Variants in MBD2 observed in about 807,000 individuals in gnomAD.
MBD2 encodes methyl-CpG-binding domain protein 2.
A neutral mutation model predicts 39.3 loss-of-function variants in MBD2; 9 were observed. The observed-to-expected ratio is 0.23, with a 90% confidence interval of 0.14 to 0.40. The LOEUF is 0.40. Ranked by LOEUF, MBD2 falls within the 10% of genes least tolerant of loss-of-function variation. MBD2 has a pLI of 1.00. For synonymous variants in MBD2, 233 were observed against 211.1 expected, an observed-to-expected ratio of 1.10 and a Z score of -0.90; for missense variants, 458 against 532.6, an observed-to-expected ratio of 0.86 and a Z score of 1.38.
chr18:54,200,337 T>G (rs1599098559), intron 2 of MBD2, among the ~76,000 whole-genome samples: 1 of 152,258 alleles, frequency 6.6e-6, no homozygotes, highest in Non-Finnish European at 1.5e-5. Context: ...AACTTGAATT[T>G]TATTAGTTTT....
rs541982564 is a variant in MBD2 at position 54,167,189 on chromosome 18, T to C, written c.841-1023A>G. On this transcript the variant is annotated intron_variant, in intron 3 of 6. Coordinates refer to ENST00000256429, the MANE Select transcript of MBD2 (RefSeq NM_003927.5). ...TCACATAGTTGGTACTGAAAAAATA[T>C]TTGTGGGAATGACTGAAAATGGGAG... is the stretch of plus-strand genomic sequence containing the variant. Among the ~76,000 whole-genome samples, 14 of 152,274 alleles carry C rather than the reference T, an allele frequency of 9.2e-5. No individual in the cohort carries two copies. In the South Asian group the frequency reaches 2.5e-3, roughly 27 times the overall value.
intron 3 of MBD2, 133 bp from the exon 4 acceptor site, chr18:54,166,299 G>T: frequency 1.6e-6 from 1 of 624,916 alleles, no homozygotes; most frequent in Non-Finnish European, 2.8e-6. Context: ...CTTATAAAAA[G>T]CTAAATGATA....
chr18:54,195,840 T>C (rs1194619386), intron 2 of MBD2, among the ~76,000 whole-genome samples: 1 of 152,212 alleles, frequency 6.6e-6, no homozygotes, highest in Non-Finnish European at 1.5e-5. Context: ...TATTAAAATT[T>C]AGAAATTTAA....
intron 5 of MBD2, among the ~76,000 whole-genome samples, chr18:54,161,393 C>T (rs187613952): frequency 6.6e-6 from 1 of 152,266 alleles, no homozygotes; most frequent in Admixed American, 6.5e-5. Flanking sequence ...ATTTTCATGT[C>T]ATGGGGCAGG....
rs1436717770 is a variant in MBD2 at position 54,151,851 on chromosome 18, C to G, written c.*3473G>C. The G allele has an allele frequency of 6.7e-6, 1 of 149,200 alleles. No individual in the cohort carries two copies. Among genetic ancestry groups the G allele is most frequent in the Admixed American group, 6.7e-5 (1 of 15,006 alleles). 9.2% of individuals were successfully genotyped at this position (149,200 alleles called of 1,614,324 possible). On this transcript the variant is annotated 3_prime_UTR_variant, in exon 7 of 7. Transcript: ENST00000256429. The stretch of plus-strand genomic sequence containing the variant: ...AGACCAAAAAAAAAAAAAAAAACAC[C>G]CTGGAAGCCACCAAGGGCATTTCTT...
At chr18:54,214,290 G>A (rs981464093) in intron 1 of MBD2, among the ~76,000 whole-genome samples, 1 of 151,480 alleles carries the variant, frequency 6.6e-6, no homozygotes, top group Admixed American at 6.6e-5. Context: ...TGAACTCCTC[G>A]ACTGAAGGAA....
chr18:54,221,694 G>A (rs1038360999), intron 1 of MBD2, among the ~76,000 whole-genome samples: 4 of 149,918 alleles, frequency 2.7e-5, no homozygotes, highest in South Asian at 2.1e-4. Context: ...ACTTGAACCC[G>A]AGAGGCGGAG....
At chr18:54,176,055 A>C (rs1407120268) in intron 3 of MBD2, among the ~76,000 whole-genome samples, 2 of 152,244 alleles carry the variant, frequency 1.3e-5, no homozygotes, top group African/African-American at 2.4e-5. Context: ...CAGAAGAAGC[A>C]AAAGTTACCT....
intron 2 of MBD2, among the ~76,000 whole-genome samples, chr18:54,195,605 A>ATGC (rs1220802181): frequency 2.8e-4 from 42 of 152,114 alleles, no homozygotes; most frequent in Admixed American, 6.6e-4. Context: ...AATGCATGTT[A>ATGC]TGCTGCTGCT....
intron 3 of MBD2, among the ~76,000 whole-genome samples, chr18:54,168,915 C>T (rs185790286): frequency 1.3e-5 from 2 of 151,906 alleles, no homozygotes; most frequent in Non-Finnish European, 2.9e-5. Flanking sequence ...CTTCTCAGAT[C>T]CCTGTTTTAT....
intron 3 of MBD2, among the ~76,000 whole-genome samples, chr18:54,171,261 C>T (rs1443620484): frequency 2.6e-5 from 4 of 152,004 alleles, no homozygotes; most frequent in Non-Finnish European, 4.4e-5. Flanking sequence ...ATTAGCTGGG[C>T]GTGGTGGCGC....
intron 3 of MBD2, among the ~76,000 whole-genome samples, chr18:54,173,392 T>TTTAA (rs1338600470): frequency 6.6e-6 from 1 of 152,168 alleles, no homozygotes; most frequent in East Asian, 1.9e-4. Flanking sequence ...GAGGGGCTCT[T>TTTAA]TTAAGCACAA....
chr18:54,190,478 A>C (rs1298805079), intron 2 of MBD2, among the ~76,000 whole-genome samples: 1 of 152,170 alleles, frequency 6.6e-6, no homozygotes, highest in Admixed American at 6.5e-5. Flanking sequence ...TGGCACCCTG[A>C]GTTGCTGGGA....
At chr18:54,206,255 G>A (rs2086449005) in intron 1 of MBD2, among the ~76,000 whole-genome samples, 1 of 152,178 alleles carries the variant, frequency 6.6e-6, no homozygotes, top group African/African-American at 2.4e-5. Context: ...GAATTATACG[G>A]AGGACTAGTC....
chr18:54,215,952 C>T (rs1301767776), intron 1 of MBD2, among the ~76,000 whole-genome samples: 1 of 151,830 alleles, frequency 6.6e-6, no homozygotes, highest in East Asian at 1.9e-4. Flanking sequence ...CAGGCACCTG[C>T]CACCATGCCC....
chr18:54,185,205 G>A (rs989636877), intron 3 of MBD2, among the ~76,000 whole-genome samples: 20 of 152,132 alleles, frequency 1.3e-4, no homozygotes, highest in Admixed American at 8.5e-4. Context: ...GAAAAGGCTG[G>A]CTTCTGGAAG....
rs1210392662 is a variant in MBD2 at position 54,180,901 on chromosome 18, TTC to T, written c.840+7971_840+7972del. 8.4e-3 allele frequency among the ~76,000 whole-genome samples: 352 copies of T among 41,748 alleles called. 26 individuals are homozygous for T. Among genetic ancestry groups the T allele is most frequent in the African/African-American group, 0.072 (337 of 4,670 alleles). 27.4% of individuals were successfully genotyped at this position (41,748 alleles called of 152,430 possible). ...CTATGTATTCCTTAATTTTTTCTTTTTCTTTTTTTTTTTTTTTTTTTTTTTGA... is the reference window on the plus strand; with the variant it reads ...CTATGTATTCCTTAATTTTTTCTTTTTTTTTTTTTTTTTTTTTTTTTTTGA... On this transcript the variant is annotated intron_variant, in intron 3 of 6. Coordinates refer to ENST00000256429, the MANE Select transcript of MBD2 (RefSeq NM_003927.5).
chr18:54,158,541 C>A (rs957873265), intron 6 of MBD2, among the ~76,000 whole-genome samples: 1 of 152,162 alleles, frequency 6.6e-6, no homozygotes, highest in African/African-American at 2.4e-5. Context: ...AAGATCTGCA[C>A]GTGCTCCTCT....
At chr18:54,210,156 C>T (rs1390225468) in intron 1 of MBD2, among the ~76,000 whole-genome samples, 2 of 152,108 alleles carry the variant, frequency 1.3e-5, no homozygotes, top group South Asian at 2.1e-4. Flanking sequence ...TGTGATCACA[C>T]CTTTAACTTC....
Sources: gnomAD v4.1 joint callset for allele counts (sites outside exome capture counted in the v4.1 genomes callset) on GRCh38, gnomAD v4.1.1 for gene constraint, MANE v1.5 for transcripts, NCBI Gene and HGNC (gene_info 2026-07-23, HGNC 2026-07-21) for gene names.